Variants in FRMD5 observed in about 807,000 individuals in gnomAD.
FRMD5 encodes FERM domain-containing protein 5.
In FRMD5, 20 loss-of-function variants were observed where a neutral mutation model predicts 69.0. The observed-to-expected ratio is 0.29, with a 90% CI of 0.20 to 0.42. The LOEUF is 0.42. Ranked by LOEUF, FRMD5 falls within the 10% of genes least tolerant of loss-of-function variation. FRMD5 has a pLI of 1.00. For synonymous variants in FRMD5, 271 were observed against 260.1 expected, an observed-to-expected ratio of 1.04 and a Z score of -0.40; for missense variants, 595 against 708.6, an observed-to-expected ratio of 0.84 and a Z score of 1.82.
chr15:43,906,178 A>C (rs2089167441), intron 5 of FRMD5, among the ~76,000 whole-genome samples: 2 of 152,238 alleles, frequency 1.3e-5, no homozygotes. Context: ...AAGTCTATGC[A>C]GAGAGACAGA....
chr15:44,146,908 T>C (rs1435352891), intron 1 of FRMD5, among the ~76,000 whole-genome samples: 2 of 152,174 alleles, frequency 1.3e-5, no homozygotes, highest in Non-Finnish European at 1.5e-5. Flanking sequence ...CTTTGTCAGA[T>C]TACAAAAACT....
chr15:44,016,453 T>C (rs1224201447), intron 1 of FRMD5, among the ~76,000 whole-genome samples: 3 of 152,188 alleles, frequency 2.0e-5, no homozygotes, highest in Admixed American at 6.5e-5. Flanking sequence ...TTGGGCGCAG[T>C]GGTTCACAAC....
chr15:44,026,587 C>CA (rs1891439330), intron 1 of FRMD5, among the ~76,000 whole-genome samples: 1 of 152,118 alleles, frequency 6.6e-6, no homozygotes, highest in Non-Finnish European at 1.5e-5. Context: ...GATTCAGTTG[C>CA]AAGCCCTGTC....
intron 1 of FRMD5, among the ~76,000 whole-genome samples, chr15:44,027,292 T>C (rs940151002): frequency 2.0e-5 from 3 of 151,940 alleles, no homozygotes; most frequent in African/African-American, 7.3e-5. Context: ...CACTTCTTTC[T>C]CCAGAGCAAA....
At chr15:44,006,029 G>A (rs1433608253) in intron 1 of FRMD5, among the ~76,000 whole-genome samples, 4 of 152,198 alleles carry the variant, frequency 2.6e-5, no homozygotes. Context: ...TCCACTGGAA[G>A]AAGATGCCAT....
At chr15:44,116,275 C>A (rs76588629) in intron 1 of FRMD5, among the ~76,000 whole-genome samples, 5,817 of 150,714 alleles carry the variant, frequency 0.039, 337 homozygotes, top group African/African-American at 0.12. Context: ...TTTTAAGAGA[C>A]AGGGTCTGGC....
At chr15:43,906,957 C>T (rs1312468243) in intron 5 of FRMD5, among the ~76,000 whole-genome samples, 1 of 152,166 alleles carries the variant, frequency 6.6e-6, no homozygotes, top group African/African-American at 2.4e-5. Flanking sequence ...GTGAGCCTTT[C>T]TCCTCCAGCT....
intron 1 of FRMD5, among the ~76,000 whole-genome samples, chr15:44,118,516 A>G (rs1264075149): frequency 6.6e-6 from 1 of 152,110 alleles, no homozygotes; most frequent in African/African-American, 2.4e-5. Context: ...CTCTATATTC[A>G]ATCACTTTCT....
chr15:43,987,543 T>C (rs977539419), intron 1 of FRMD5, among the ~76,000 whole-genome samples: 1 of 152,126 alleles, frequency 6.6e-6, no homozygotes, highest in Admixed American at 6.5e-5. Flanking sequence ...TTGGGCACTT[T>C]ATTTCTATTA....
intron 1 of FRMD5, among the ~76,000 whole-genome samples, chr15:43,986,061 T>C (rs1374206967): frequency 1.3e-5 from 2 of 152,244 alleles, no homozygotes; most frequent in South Asian, 4.1e-4. Context: ...TCAGTTGCCA[T>C]GGTTTATTAA....
intron 1 of FRMD5, among the ~76,000 whole-genome samples, chr15:44,004,254 A>C (rs1024643058): frequency 1.3e-5 from 2 of 152,208 alleles, no homozygotes; most frequent in African/African-American, 4.8e-5. Context: ...AAAATGCCAT[A>C]GTTTTTATTT....
At position 44,061,499 on chromosome 15, in the gene FRMD5, T is replaced by C. The variant is rs191154482; in HGVS notation, c.102+133454A>G. ...GTCTCTCACTATTAGTCTGGCCCTTTGGCTGGACTATTATCATTACCCTTT... is the reference window on the plus strand; with the variant it reads ...GTCTCTCACTATTAGTCTGGCCCTTCGGCTGGACTATTATCATTACCCTTT... On this transcript the variant is annotated intron_variant, in intron 1 of 13. Coordinates refer to ENST00000417257, the MANE Select transcript of FRMD5 (RefSeq NM_032892.5). Among the ~76,000 whole-genome samples, 22 of 152,332 alleles carry C rather than the reference T, an allele frequency of 1.4e-4. No individual in the cohort carries two copies. In the East Asian group the frequency reaches 2.9e-3, roughly 20 times the overall value.
chr15:44,063,991 G>T, intron 1 of FRMD5: 1 of 229,172 alleles, frequency 4.4e-6, no homozygotes. Context: ...AGTTCCCCTG[G>T]CCAAGGTCAT....
At chr15:44,184,792 CTTTT>C (rs1419279267) in intron 1 of FRMD5, among the ~76,000 whole-genome samples, 2 of 152,140 alleles carry the variant, frequency 1.3e-5, no homozygotes, top group Non-Finnish European at 2.9e-5. Context: ...TCTTCCACTT[CTTTT>C]GTCATTGTCT....
At chr15:44,191,922 T>TATGTATCTATATA (rs1279440991) in intron 1 of FRMD5, among the ~76,000 whole-genome samples, 1 of 8,928 alleles carries the variant, frequency 1.1e-4, no homozygotes, top group South Asian at 3.1e-3. Flanking sequence ...TATATATATA[T>TATGTATCTATATA]TATATATATA....
At chr15:43,906,453 C>T (rs933086069) in intron 5 of FRMD5, among the ~76,000 whole-genome samples, 4 of 152,116 alleles carry the variant, frequency 2.6e-5, no homozygotes, top group African/African-American at 9.7e-5. Flanking sequence ...AGAACTCAAC[C>T]CTCAGTTCAA....
chr15:44,046,422 T>G (rs182067395), intron 1 of FRMD5, among the ~76,000 whole-genome samples: 1 of 152,314 alleles, frequency 6.6e-6, no homozygotes, highest in African/African-American at 2.4e-5. Flanking sequence ...CCAAGGACAC[T>G]TCCATATCCT....
chr15:43,945,574 C>T (rs533499333), intron 1 of FRMD5, among the ~76,000 whole-genome samples: 4 of 152,200 alleles, frequency 2.6e-5, no homozygotes, highest in African/African-American at 9.6e-5. Context: ...GATTGCCAAG[C>T]CCTCATCCTA....
At chr15:44,072,404 C>G (rs765197066) in intron 1 of FRMD5, among the ~76,000 whole-genome samples, 14 of 152,118 alleles carry the variant, frequency 9.2e-5, no homozygotes, top group Non-Finnish European at 1.8e-4. Flanking sequence ...CTTTTTGCTA[C>G]TTGTTATAAC....
Sources: allele counts gnomAD v4.1 joint callset (sites outside exome capture counted in the v4.1 genomes callset), GRCh38; gene constraint gnomAD v4.1.1; transcripts MANE v1.5; gene names NCBI Gene and HGNC (gene_info 2026-07-23, HGNC 2026-07-21).